Variants in MTMR12 observed in about 807,000 individuals in gnomAD.
MTMR12 encodes myotubularin-related protein 12.
MTMR12 carries 33 observed loss-of-function variants against 96.7 expected under a neutral mutation model. The observed-to-expected ratio is 0.34, with a 90% CI of 0.26 to 0.46. The LOEUF is 0.46. Ranked by LOEUF, MTMR12 falls within the 20% of genes least tolerant of loss-of-function variation. The probability of loss-of-function intolerance (pLI) is 1.00; values close to 1 mark genes in which losing one functional copy is unlikely to be tolerated. For missense variants in MTMR12, 721 were observed against 896.1 expected, an observed-to-expected ratio of 0.80 and a Z score of 2.49; for synonymous variants, 298 against 327.2, an observed-to-expected ratio of 0.91 and a Z score of 0.96.
At chr5:32,310,146 C>T (rs569095822) in intron 1 of MTMR12, among the ~76,000 whole-genome samples, 7 of 152,250 alleles carry the variant, frequency 4.6e-5, no homozygotes, top group African/African-American at 1.7e-4. Flanking sequence ...CAAGACATCA[C>T]CTCTACTAAA....
chr5:32,272,827 A>G (rs948857912), intron 3 of MTMR12, among the ~76,000 whole-genome samples: 2 of 152,198 alleles, frequency 1.3e-5, no homozygotes, highest in African/African-American at 4.8e-5. Flanking sequence ...AGTCAGCTTC[A>G]GGAAGAACAA....
chr5:32,253,208 C>G (rs753035197), intron 8 of MTMR12, among the ~76,000 whole-genome samples: 1 of 152,122 alleles, frequency 6.6e-6, no homozygotes, highest in African/African-American at 2.4e-5. Flanking sequence ...AACAGCCCCC[C>G]ACAACAAAGA....
At chr5:32,272,335 C>T (rs1349651681) in intron 3 of MTMR12, among the ~76,000 whole-genome samples, 5 of 151,994 alleles carry the variant, frequency 3.3e-5, no homozygotes, top group Admixed American at 1.3e-4. Flanking sequence ...GGAAATGCAG[C>T]GACATTCCTA....
At chr5:32,252,326 A>G (rs1210655366) in intron 8 of MTMR12, among the ~76,000 whole-genome samples, 1 of 152,254 alleles carries the variant, frequency 6.6e-6, no homozygotes, top group Non-Finnish European at 1.5e-5. Flanking sequence ...AGAATATACT[A>G]AATGTCACTA....
intron 2 of MTMR12, 55 bp downstream of exon 2, chr5:32,276,627 A>T: frequency 6.9e-7 from 1 of 1,447,502 alleles, no homozygotes; most frequent in Non-Finnish European, 9.7e-7. Flanking sequence ...GGGATGATGT[A>T]ATTTATCATT....
At position 32,239,015 on chromosome 5, in the gene MTMR12, T is replaced by G. The variant is rs904278036; in HGVS notation, c.1330A>C (p.Asn444His). The change falls in exon 13 of 16, where the codon AAC becomes CAC. Residue 444 changes from asparagine to histidine, a missense_variant. By Grantham distance (68) the Asn-to-His change is moderately conservative. Transcript: ENST00000382142. ...AGGGAACTCACCTCCTCTTTGTCGT[T>G]CTGGCGGAGATGGTTGCAGCGATCC... is the stretch of plus-strand genomic sequence containing the variant. ...FLDRCNHLRQ[N>H]DKEEVPVFLL... The G allele has an allele frequency of 2.5e-6, 4 of 1,596,428 alleles. No homozygotes were observed. In the African/African-American group the frequency reaches 5.3e-5, roughly 21 times the overall value.
intron 1 of MTMR12, among the ~76,000 whole-genome samples, chr5:32,281,202 C>T (rs1180204886): frequency 1.4e-5 from 2 of 144,164 alleles, no homozygotes; most frequent in African/African-American, 2.6e-5. Flanking sequence ...GAGCTGAGAT[C>T]GTGCCACTGC....
rs762715051 is a variant in MTMR12 at position 32,255,693 on chromosome 5, T to G, written c.789A>C (p.Pro263=). The G allele has an allele frequency of 4.3e-6, 7 of 1,609,478 alleles. No homozygotes were observed. The East Asian group carries it at 1.6e-4, about 36-fold the overall frequency. Residue 263 remains proline (P), a splice_region_variant and synonymous_variant, in exon 8 of 16, where the codon CCA becomes CCC. Transcript: ENST00000382142. The part of the protein sequence containing the change: ...NVQRFQGHGI[P]IWCWSCHNGS... Reference sequence around the variant, plus strand: ...TTTCAGGGTTCCCAGATGCACTTACTGGTATGCCATGACCCTGAAAGCGCT... The same window carrying G: ...TTTCAGGGTTCCCAGATGCACTTACGGGTATGCCATGACCCTGAAAGCGCT...
At chr5:32,251,836 C>A (rs971392079) in intron 8 of MTMR12, among the ~76,000 whole-genome samples, 1 of 152,164 alleles carries the variant, frequency 6.6e-6, no homozygotes, top group African/African-American at 2.4e-5. Flanking sequence ...AGAGAAACAA[C>A]AGGAGGCTGA....
Position 32,230,097 on chromosome 5 carries a change from C to T in MTMR12, c.1925G>A (p.Arg642His), listed in dbSNP as rs754133953. ...EGPEIKVWAQ[R>H]YLRWIPEAQI... ...GGCTTCTGGAATCCAACGTAGGTAG[C>T]GCTGGGCCCAGACTTTGATTTCGGG... The change falls in exon 16 of 16, where the codon CGC becomes CAC. Residue 642 changes from arginine to histidine, a missense_variant. By Grantham distance (29) the Arg-to-His change is conservative. Transcript: ENST00000382142. The T allele has an allele frequency of 2.5e-6, 4 of 1,612,630 alleles. No individual in the cohort carries two copies. Among genetic ancestry groups the T allele is most frequent in the Non-Finnish European group, 2.5e-6 (3 of 1,178,954 alleles).
intron 1 of MTMR12, among the ~76,000 whole-genome samples, chr5:32,285,123 C>T (rs1203505981): frequency 1.3e-5 from 2 of 151,912 alleles, no homozygotes; most frequent in African/African-American, 4.8e-5. Context: ...TTTGGGAGGC[C>T]GAGGTAGGTG....
intron 12 of MTMR12, among the ~76,000 whole-genome samples, chr5:32,239,705 T>C (rs901130890): frequency 1.3e-5 from 2 of 152,232 alleles, no homozygotes; most frequent in African/African-American, 4.8e-5. Context: ...TAACTCTACT[T>C]TGGAGAAAGT....
intron 1 of MTMR12, 130 bp from the exon 2 acceptor site, chr5:32,276,872 ACTTTTTTTTTT>A: frequency 3.4e-6 from 1 of 298,320 alleles, no homozygotes; most frequent in Non-Finnish European, 5.8e-6. Flanking sequence ...GTTACAAGCT[ACTTTTTTTTTT>A]TTTTTTTTTT....
chr5:32,291,886 C>T (rs1478961170), intron 1 of MTMR12, among the ~76,000 whole-genome samples: 2 of 152,156 alleles, frequency 1.3e-5, no homozygotes, highest in Non-Finnish European at 2.9e-5. Flanking sequence ...ATTGAAAGGG[C>T]AGAGGTTTGT....
rs1751635495 is a variant in MTMR12, at chr5:32,312,435, C to T, written c.81+323G>A. 1.3e-5 allele frequency among the ~76,000 whole-genome samples: 2 copies of T among 152,224 alleles called. No homozygotes were observed. Among genetic ancestry groups the T allele is most frequent in the Non-Finnish European group, 2.9e-5 (2 of 68,016 alleles). On this transcript the variant is annotated intron_variant, in intron 1 of 15. Transcript: ENST00000382142. The surrounding 1 kb of genome is among the most constrained non-coding windows in gnomAD (Gnocchi z 5.0). ...CTCCGACCCACGGCCCTACCCCTCC[C>T]AGCAGTGCCCACAACCCCAGGTCCT...
chr5:32,233,644 C>T lies in MTMR12; in HGVS notation c.1674+129G>A. On this transcript the variant is annotated intron_variant, in intron 15 of 15. Coordinates refer to ENST00000382142, the MANE Select transcript of MTMR12 (RefSeq NM_001040446.3). This position sits in a 1 kb window ranked among gnomAD's most constrained non-coding sequence, Gnocchi z 5.0. ...ATGGCCCTTGACAATTTGACCATCA[C>T]AAGTCTCAACTCTGCAGACTGCTTC... is the stretch of plus-strand genomic sequence containing the variant. 1 of 1,299,708 alleles carries T rather than the reference C, an allele frequency of 7.7e-7. No homozygotes were observed. Among genetic ancestry groups the T allele is most frequent in the Non-Finnish European group, 1.1e-6 (1 of 929,490 alleles). 80.5% of individuals were successfully genotyped at this position (1,299,708 alleles called of 1,614,324 possible). A position where few individuals can be genotyped will look rare whatever the true frequency, so the allele number is the denominator to read the frequency against.
At chr5:32,294,905 C>T (rs1471790568) in intron 1 of MTMR12, among the ~76,000 whole-genome samples, 2 of 152,210 alleles carry the variant, frequency 1.3e-5, no homozygotes, top group African/African-American at 2.4e-5. Flanking sequence ...TGCCAAGTAT[C>T]ACCGAACTAT....
rs904094519 is a variant in MTMR12, at chr5:32,312,330, G to A, written c.81+428C>T. ...AGGCACTCAGACGCAGGCAGCGGAG[G>A]CCGGCGGGCTTCTGGGCTCACTGAG... On this transcript the variant is annotated intron_variant, in intron 1 of 15. Transcript: ENST00000382142. This position sits in a 1 kb window ranked among gnomAD's most constrained non-coding sequence, Gnocchi z 5.0. Among the ~76,000 whole-genome samples the A allele has an allele frequency of 2.0e-5, 3 of 152,236 alleles. No individual in the cohort carries two copies. Among genetic ancestry groups the A allele is most frequent in the African/African-American group, 4.8e-5 (2 of 41,468 alleles).
rs749591318 is a variant in MTMR12 at position 32,227,915 on chromosome 5, T to C, written c.*1863A>G. 1 of 152,698 alleles carries C rather than the reference T, an allele frequency of 6.5e-6. No individual in the cohort carries two copies. Among genetic ancestry groups the C allele is most frequent in the Non-Finnish European group, 1.5e-5 (1 of 68,074 alleles). The allele number at this position is 152,698 out of a possible 1,614,324, so 9.5% of individuals were successfully genotyped here. A position where few individuals can be genotyped will look rare whatever the true frequency, so the allele number is the denominator to read the frequency against. ...CAGACCAACCTGGCTCCTGCATTAA[T>C]ATGGAGTGGGGAGAACAGCAAAACA... On this transcript the variant is annotated 3_prime_UTR_variant, in exon 16 of 16. Coordinates refer to ENST00000382142, the MANE Select transcript of MTMR12 (RefSeq NM_001040446.3).
Sources: allele counts gnomAD v4.1 joint callset (sites outside exome capture counted in the v4.1 genomes callset), GRCh38; gene constraint gnomAD v4.1.1; non-coding constraint Gnocchi (gnomAD v3.1); transcripts MANE v1.5; gene names NCBI Gene and HGNC (gene_info 2026-07-23, HGNC 2026-07-21).